FER1L6: variants seen among roughly 807,000 people sequenced by gnomAD.
FER1L6 encodes the protein fer-1-like protein 6.
In FER1L6, 177 loss-of-function variants were observed where a neutral mutation model predicts 219.2. The ratio of observed to expected loss-of-function variants is 0.81; its 90% confidence interval spans 0.71 to 0.91. The LOEUF (loss-of-function observed/expected upper bound fraction) is 0.91. Ranked by LOEUF, FER1L6 falls within the 40% of genes least tolerant of loss-of-function variation. The pLI, the probability that FER1L6 is intolerant of heterozygous loss-of-function variation, is 0.00. For synonymous variants in FER1L6, 768 were observed against 824.3 expected (o/e 0.93, Z 1.17); for missense variants, 2,153 against 2,259.9 (o/e 0.95, Z 0.96).
At chr8:124,075,662 C>T (rs1190601247) in intron 31 of FER1L6, among the ~76,000 whole-genome samples, 1 of 152,212 alleles carries the variant, frequency 6.6e-6, no homozygotes, top group East Asian at 1.9e-4. Context: ...TGACTGTTAG[C>T]ACAGTAGGTT....
At position 124,076,312 on chromosome 8, in the gene FER1L6, C is replaced by A; in HGVS notation, c.4207C>A (p.Pro1403Thr). ...TAAATACATCCCTAAACAACTGAAC[C>A]CAGTATTTGGAAGGTCAGTGGCCAT... ...RDKYIPKQLN[P>T]VFGRSFEIQA... The change falls in exon 32 of 41, where the codon CCA becomes ACA. Residue 1403 changes from proline to threonine, a missense_variant. Pro to Thr is a conservative substitution (Grantham distance 38). Coordinates refer to ENST00000522917, the MANE Select transcript of FER1L6 (RefSeq NM_001039112.2). 6.2e-7 allele frequency: 1 copy of A among 1,613,504 alleles called. No individual in the cohort carries two copies. The highest frequency in any genetic ancestry group is 8.5e-7 in the Non-Finnish European group (1 of 1,179,496).
intron 26 of FER1L6, among the ~76,000 whole-genome samples, chr8:124,065,791 G>A (rs1418614319): frequency 6.6e-6 from 1 of 152,212 alleles, no homozygotes; most frequent in Non-Finnish European, 1.5e-5. Flanking sequence ...TGCATGATGA[G>A]TGCTGCATCC....
chr8:123,858,289 T>C (rs539561363), intron 1 of FER1L6, among the ~76,000 whole-genome samples: 1 of 152,336 alleles, frequency 6.6e-6, no homozygotes, highest in Admixed American at 6.5e-5. Context: ...TTTTAGAATA[T>C]AGGAGAATAT....
At chr8:123,946,008 T>C (rs921649931) in intron 1 of FER1L6, among the ~76,000 whole-genome samples, 1 of 152,194 alleles carries the variant, frequency 6.6e-6, no homozygotes, top group South Asian at 2.1e-4. Context: ...CAATTTTGAC[T>C]GAATGGGATT....
At position 124,061,878 on chromosome 8, in the gene FER1L6, C is replaced by T. The variant is rs1820598948; in HGVS notation, c.3174C>T (p.His1058=). Residue 1058 remains histidine (H), a synonymous_variant, in exon 25 of 41, where the codon CAC becomes CAT. Coordinates refer to ENST00000522917, the MANE Select transcript of FER1L6 (RefSeq NM_001039112.2). ...EVELPENELL[H]PPLSICVVDW... ...AACTGCCTGAGAACGAGCTTCTGCA[C>T]CCGCCACTGAGCATCTGCGTGGTGG... The T allele has an allele frequency of 2.5e-6, 4 of 1,613,950 alleles. No individual in the cohort carries two copies. Among genetic ancestry groups the T allele is most frequent in the Non-Finnish European group, 3.4e-6 (4 of 1,180,000 alleles).
Position 124,023,669 on chromosome 8 carries a change from G to A in FER1L6, c.2286+73G>A, listed in dbSNP as rs192484892. 6.0e-6 allele frequency: 9 copies of A among 1,507,300 alleles called. No individual in the cohort carries two copies. The East Asian group carries it at 1.4e-4, about 23-fold the overall frequency. The allele number at this position is 1,507,300 out of a possible 1,614,324, so 93.4% of individuals were successfully genotyped here. A position where few individuals can be genotyped will look rare whatever the true frequency, so the allele number is the denominator to read the frequency against. On this transcript the variant is annotated intron_variant, in intron 18 of 40. Transcript: ENST00000522917. ...TAGGGTGGCTCAGACTTTCTAGTGT[G>A]TGTCCATGGCTCTGACCATTCCCCA...
At position 124,101,077 on chromosome 8, in the gene FER1L6, T is replaced by A; in HGVS notation, c.4884-20T>A. Reference sequence around the variant, plus strand: ...GAGAATGTACTCTGAGTGTTTAAATTATTTTGAATCTATTTTTAGGTGGTT... The same window carrying A: ...GAGAATGTACTCTGAGTGTTTAAATAATTTTGAATCTATTTTTAGGTGGTT... On this transcript the variant is annotated intron_variant, in intron 37 of 40. Transcript: ENST00000522917. The A allele has an allele frequency of 6.2e-7, 1 of 1,611,102 alleles. No individual in the cohort carries two copies. Among genetic ancestry groups the A allele is most frequent in the Non-Finnish European group, 8.5e-7 (1 of 1,177,726 alleles).
intron 21 of FER1L6, chr8:124,046,148 T>C (rs1018935741): frequency 7.2e-6 from 3 of 416,718 alleles, no homozygotes; most frequent in Non-Finnish European, 8.6e-6. Context: ...TGGATCTGGT[T>C]TACAGAACGT....
chr8:123,898,825 A>ATATATATACATACATATGTGTG (rs1554613213), intron 1 of FER1L6, among the ~76,000 whole-genome samples: 8 of 130,046 alleles, frequency 6.2e-5, no homozygotes, highest in African/African-American at 9.0e-5. Flanking sequence ...ACATATGTGT[A>ATATATATACATACATATGTGTG]TATATATATA....
Position 123,977,509 on chromosome 8 carries a change from G to A in FER1L6, c.963G>A (p.Val321=). Residue 321 remains valine, a synonymous_variant, in exon 10 of 41, where the codon GTG becomes GTA. Transcript: ENST00000522917. ...TGTTCCCTCCCTTGTGTCGGAGGGTGAAAATCCAGGTGTGGGATGAAGGCA... is the reference window on the plus strand; with the variant it reads ...TGTTCCCTCCCTTGTGTCGGAGGGTAAAAATCCAGGTGTGGGATGAAGGCA... ...KEMFPPLCRR[V]KIQVWDEGSM... 1 of 1,614,128 alleles carries A rather than the reference G, an allele frequency of 6.2e-7. No individual in the cohort carries two copies. Among genetic ancestry groups the A allele is most frequent in the Non-Finnish European group, 8.5e-7 (1 of 1,180,014 alleles).
intron 11 of FER1L6, among the ~76,000 whole-genome samples, chr8:123,983,406 A>T (rs537600000): frequency 6.6e-6 from 1 of 152,306 alleles, no homozygotes; most frequent in East Asian, 1.9e-4. Flanking sequence ...CTAGCTTCTT[A>T]TTTAAATGTC....
intron 1 of FER1L6, among the ~76,000 whole-genome samples, chr8:123,884,778 G>C (rs1817169992): frequency 6.6e-6 from 1 of 152,182 alleles, no homozygotes; most frequent in South Asian, 2.1e-4. Flanking sequence ...GGCTGGCCTT[G>C]CCGTCCCTTC....
chr8:123,859,525 G>C (rs1052041203), intron 1 of FER1L6, among the ~76,000 whole-genome samples: 5 of 147,342 alleles, frequency 3.4e-5, no homozygotes, highest in Admixed American at 1.4e-4. Flanking sequence ...TCAGCCTCTC[G>C]TAACCACCTT....
intron 39 of FER1L6, among the ~76,000 whole-genome samples, chr8:124,106,099 G>C (rs1408233576): frequency 9.2e-5 from 14 of 152,098 alleles, no homozygotes; most frequent in Non-Finnish European, 1.3e-4. Context: ...ACAATTTTGT[G>C]AACAGATTAA....
intron 1 of FER1L6, among the ~76,000 whole-genome samples, chr8:123,904,634 C>T (rs866807627): frequency 7.2e-5 from 11 of 152,274 alleles, no homozygotes; most frequent in African/African-American, 2.4e-4. Flanking sequence ...GCTCCAGCCA[C>T]TGGAAGTGTT....
chr8:124,067,512 A>G (rs574402349), intron 27 of FER1L6, among the ~76,000 whole-genome samples: 16 of 152,276 alleles, frequency 1.1e-4, no homozygotes, highest in South Asian at 6.2e-4. Flanking sequence ...TACTGCATAT[A>G]AGGGACAAAG....
chr8:124,097,474 C>A, intron 36 of FER1L6, 115 bp downstream of exon 36: 1 of 770,428 alleles, frequency 1.3e-6, no homozygotes, highest in Non-Finnish European at 2.1e-6. Context: ...TCACTATCCA[C>A]CCGGCCAGTT....
chr8:124,021,121 TACTC>T (rs1818436406), intron 16 of FER1L6, among the ~76,000 whole-genome samples: 2 of 152,250 alleles, frequency 1.3e-5, no homozygotes, highest in African/African-American at 2.4e-5. Flanking sequence ...ATGAGAACCT[TACTC>T]ACTATCACGA....
chr8:124,084,833 A>G (rs1380678490), intron 33 of FER1L6, among the ~76,000 whole-genome samples: 1 of 152,020 alleles, frequency 6.6e-6, no homozygotes, highest in African/African-American at 2.4e-5. Context: ...TCAGATTGGT[A>G]TTAGTTCTTC....
Sources: allele counts gnomAD v4.1 joint callset (sites outside exome capture counted in the v4.1 genomes callset), GRCh38; gene constraint gnomAD v4.1.1; transcripts MANE v1.5; gene names NCBI Gene and HGNC (gene_info 2026-07-23, HGNC 2026-07-21).